LTA4H: variants seen among roughly 807,000 people sequenced by gnomAD.
LTA4H encodes leukotriene A4 hydrolase.
A neutral mutation model predicts 89.8 loss-of-function variants in LTA4H; 59 were observed. The ratio of observed to expected loss-of-function variants is 0.66; its 90% confidence interval spans 0.53 to 0.82. The LOEUF is 0.82. Among genes scored for constraint, LTA4H ranks in the 40% least tolerant of loss-of-function variants. The pLI, the probability that LTA4H is intolerant of heterozygous loss-of-function variation, is 0.00. For synonymous variants in LTA4H, 227 were observed against 253.1 expected (o/e 0.90, Z 0.98); for missense variants, 617 against 727.0 (o/e 0.85, Z 1.74).
At position 96,020,113 on chromosome 12, in the gene LTA4H, C is replaced by T. The variant is rs575523133; in HGVS notation, c.639-873G>A. On this transcript the variant is annotated intron_variant, in intron 6 of 18. Transcript: ENST00000228740. ...GAGACATGATCTCACTTATGTTGCC[C>T]GGCCTGGTCTTGAACTCCTGGGCTC... 9.9e-5 allele frequency among the ~76,000 whole-genome samples: 15 copies of T among 151,960 alleles called. No homozygotes were observed. The East Asian group carries it at 1.7e-3, about 18-fold the overall frequency.
intron 1 of LTA4H, among the ~76,000 whole-genome samples, chr12:96,035,032 G>A (rs1054215842): frequency 6.6e-6 from 1 of 152,238 alleles, no homozygotes; most frequent in Non-Finnish European, 1.5e-5. Context: ...TAAGGGCTGG[G>A]TGAGTTGAGA....
chr12:96,004,536 C>T lies in LTA4H; in HGVS notation c.1531-616G>A, dbSNP rs1950166385. On this transcript the variant is annotated intron_variant, in intron 16 of 18. Coordinates refer to ENST00000228740, the MANE Select transcript of LTA4H (RefSeq NM_000895.3). ...GCATCCTATCCCTACCTTAACTCAC[C>T]CTAAAAGGGAGGACAAGTTTGGGTG... 2.6e-5 allele frequency among the ~76,000 whole-genome samples: 4 copies of T among 152,096 alleles called. No individual in the cohort carries two copies. In the South Asian group the frequency reaches 8.3e-4, roughly 32 times the overall value.
intron 6 of LTA4H, 147 bp from the exon 7 acceptor site, chr12:96,019,387 G>A (rs78948775): frequency 9.8e-5 from 63 of 642,022 alleles, no homozygotes; most frequent in African/African-American, 2.0e-4. Flanking sequence ...GTTACATGGC[G>A]TGAGCTGCAA....
At chr12:96,042,180 G>C (rs1566022223) in intron 1 of LTA4H, among the ~76,000 whole-genome samples, 1 of 151,644 alleles carries the variant, frequency 6.6e-6, no homozygotes, top group African/African-American at 2.4e-5. Context: ...TTGTTTGTTT[G>C]TTTGTAGTGA....
At chr12:96,029,641 T>C (rs903383917) in intron 1 of LTA4H, among the ~76,000 whole-genome samples, 1 of 152,206 alleles carries the variant, frequency 6.6e-6, no homozygotes, top group African/African-American at 2.4e-5. Context: ...TGTGGTTGTA[T>C]ATCTAGAAAA....
chr12:96,030,385 T>C (rs1434140078), intron 1 of LTA4H, among the ~76,000 whole-genome samples: 1 of 152,172 alleles, frequency 6.6e-6, no homozygotes, highest in African/African-American at 2.4e-5. Context: ...AGTTCTACAG[T>C]TGTATTCCCT....
In LTA4H at chr12:96,000,905, TTTAA is replaced by T. The variant is rs1205873509; in HGVS notation, c.*80_*83del. 1 of 1,015,900 alleles carries T rather than the reference TTTAA, an allele frequency of 9.8e-7. No individual in the cohort carries two copies. Among genetic ancestry groups the T allele is most frequent in the African/African-American group, 1.6e-5 (1 of 62,736 alleles). The allele number at this position is 1,015,900 out of a possible 1,614,324, so 62.9% of individuals were successfully genotyped here. A position where few individuals can be genotyped will look rare whatever the true frequency, so the allele number is the denominator to read the frequency against. On this transcript the variant is annotated 3_prime_UTR_variant, in exon 19 of 19. Coordinates refer to ENST00000228740, the MANE Select transcript of LTA4H (RefSeq NM_000895.3). ...AAAAAGCCAAAACTAAAAAGACAGT[TTTAA>T]TTGTGAGCTGAAGTTTTATATTTCT...
In LTA4H at chr12:96,005,908, C is replaced by T. The variant is rs113903076; in HGVS notation, c.1530+406G>A. 5.9e-3 allele frequency among the ~76,000 whole-genome samples: 899 copies of T among 151,986 alleles called. 9 individuals carry two copies. The highest frequency in any genetic ancestry group is 0.021 in the African/African-American group (859 of 41,440). ...GATTACAGGCACCTGCCACCATGCC[C>T]GGCTAATTTTTATATTTTTAGTAGA... On this transcript the variant is annotated intron_variant, in intron 16 of 18. Transcript: ENST00000228740.
chr12:96,014,879 G>C lies in LTA4H; in HGVS notation c.1180C>G (p.Leu394Val), dbSNP rs760749003. The change falls in exon 12 of 19, where the codon CTT (leucine) becomes GTT (valine). Residue 394 changes from leucine to valine, a missense_variant. This residue lies in a region of LTA4H where 290 missense variants were observed against 339.1 expected (regional missense o/e 0.86). Coordinates refer to ENST00000228740, the MANE Select transcript of LTA4H (RefSeq NM_000895.3). ...CCTGGTCCTCCAAGCAGTTGTTCAAGGTAAAAAAGTAAAGCAAAGCCCTTC... is the reference window on the plus strand; with the variant it reads ...CCTGGTCCTCCAAGCAGTTGTTCAACGTAAAAAAGTAAAGCAAAGCCCTTC... Reference protein sequence around the residue: ...YEKGFALLFYLEQLLGGPEIF... With the variant: ...YEKGFALLFYVEQLLGGPEIF... The C allele has an allele frequency of 2.5e-6, 4 of 1,612,728 alleles. No individual in the cohort carries two copies. The highest frequency in any genetic ancestry group is 4.5e-5 in the East Asian group (2 of 44,802).
chr12:96,007,283 G>T (rs1950217715), intron 15 of LTA4H, among the ~76,000 whole-genome samples: 1 of 152,042 alleles, frequency 6.6e-6, no homozygotes, highest in African/African-American at 2.4e-5. Flanking sequence ...TCCTTAATAT[G>T]AGAACTTACA....
At chr12:96,001,465 A>G (rs754858865) in intron 18 of LTA4H, among the ~76,000 whole-genome samples, 4 of 152,174 alleles carry the variant, frequency 2.6e-5, no homozygotes, top group Non-Finnish European at 5.9e-5. Flanking sequence ...CTATTTACCA[A>G]GCAGCATGGA....
intron 15 of LTA4H, 90 bp downstream of exon 15, chr12:96,009,004 T>C: frequency 1.1e-6 from 1 of 925,864 alleles, no homozygotes; most frequent in South Asian, 1.4e-5. Context: ...AATATAACTG[T>C]TTGTGATTTA....
intron 5 of LTA4H, among the ~76,000 whole-genome samples, chr12:96,021,465 C>G (rs1250495060): frequency 1.3e-5 from 2 of 152,118 alleles, no homozygotes; most frequent in African/African-American, 4.8e-5. Flanking sequence ...AAGCGCATTT[C>G]CCATATGTTT....
intron 5 of LTA4H, among the ~76,000 whole-genome samples, chr12:96,021,467 CAT>C (rs1950451352): frequency 6.6e-6 from 1 of 152,094 alleles, no homozygotes; most frequent in Non-Finnish European, 1.5e-5. Flanking sequence ...GCGCATTTCC[CAT>C]ATGTTTGCCT....
At chr12:96,024,640 T>C (rs1228464977) in intron 3 of LTA4H, 93 bp from the exon 4 acceptor site, 2 of 786,304 alleles carry the variant, frequency 2.5e-6, no homozygotes, top group Admixed American at 4.6e-5. Context: ...TCTTAGACAT[T>C]AAAATAAAAA....
upstream of LTA4H, among the ~76,000 whole-genome samples, chr12:96,038,661 G>A (rs374606642): frequency 6.6e-6 from 1 of 151,614 alleles, no homozygotes. Context: ...TTACAGGTAC[G>A]AGCCACCACA....
intron 16 of LTA4H, among the ~76,000 whole-genome samples, chr12:96,005,541 GCTA>G (rs1262798872): frequency 6.6e-6 from 1 of 152,090 alleles, no homozygotes; most frequent in Non-Finnish European, 1.5e-5. Context: ...CTTACCCAGT[GCTA>G]CTGTTTACTC....
At chr12:96,020,018 C>T (rs970032882) in intron 6 of LTA4H, among the ~76,000 whole-genome samples, 1 of 151,844 alleles carries the variant, frequency 6.6e-6, no homozygotes, top group Non-Finnish European at 1.5e-5. Context: ...ATACTCCCAC[C>T]TCAGCCTTCT....
intron 16 of LTA4H, among the ~76,000 whole-genome samples, chr12:96,004,848 C>T (rs183746983): frequency 3.1e-4 from 47 of 152,268 alleles, no homozygotes; most frequent in African/African-American, 1.0e-3. Context: ...CTAAGTTTTG[C>T]TATACCCATT....
Sources: allele counts gnomAD v4.1 joint callset (sites outside exome capture counted in the v4.1 genomes callset), GRCh38; gene constraint gnomAD v4.1.1; regional missense constraint gnomAD v4.1.1; transcripts MANE v1.5; gene names NCBI Gene and HGNC (gene_info 2026-07-23, HGNC 2026-07-21).